Variants in ASPH observed in about 807,000 individuals in gnomAD.
ASPH encodes aspartyl/asparaginyl beta-hydroxylase.
Under a neutral mutation model 118.4 loss-of-function variants are expected in ASPH, and 100 were observed. That is an observed-to-expected ratio of 0.84 (90% CI 0.72 to 1.00). ASPH has a LOEUF of 1.00. Among genes scored for constraint, ASPH ranks in the 50% least tolerant of loss-of-function variants. The pLI, the probability that ASPH is intolerant of heterozygous loss-of-function variation, is 0.00. For missense variants in ASPH, 920 were observed against 919.5 expected, an observed-to-expected ratio of 1.00 and a Z score of -0.01; for synonymous variants, 315 against 325.6, an observed-to-expected ratio of 0.97 and a Z score of 0.35.
intron 1 of ASPH, among the ~76,000 whole-genome samples, chr8:61,711,285 A>T (rs1333064885): frequency 6.6e-6 from 1 of 152,158 alleles, no homozygotes; most frequent in Non-Finnish European, 1.5e-5. Context: ...AACAGAAAAC[A>T]TTACACATAC....
intron 14 of ASPH, chr8:61,607,331 G>T (rs1490280740): frequency 1.4e-6 from 1 of 700,702 alleles, no homozygotes. Flanking sequence ...CTCTGTAAAT[G>T]AAAGTGTGTC....
intron 24 of ASPH, among the ~76,000 whole-genome samples, chr8:61,509,597 C>A (rs762348475): frequency 2.0e-5 from 3 of 152,122 alleles, no homozygotes; most frequent in Non-Finnish European, 2.9e-5. Flanking sequence ...CCTATCTCAT[C>A]CTGTGACTTA....
intron 20 of ASPH, among the ~76,000 whole-genome samples, chr8:61,552,786 C>T (rs564167659): frequency 1.3e-5 from 2 of 152,254 alleles, no homozygotes; most frequent in South Asian, 4.1e-4. Context: ...TTAGAGATTG[C>T]TTTTGTGATT....
chr8:61,519,964 C>A (rs1032072972), intron 22 of ASPH, among the ~76,000 whole-genome samples: 3 of 152,134 alleles, frequency 2.0e-5, no homozygotes, highest in Non-Finnish European at 4.4e-5. Context: ...CTAATACATC[C>A]CCTAAAGAAG....
intron 14 of ASPH, chr8:61,607,394 TA>T: frequency 1.6e-6 from 1 of 622,072 alleles, no homozygotes; most frequent in African/African-American, 1.9e-5. Context: ...CGCTGACTTT[TA>T]AAAATGAACT....
At chr8:61,541,042 G>A (rs1466400765) in intron 21 of ASPH, among the ~76,000 whole-genome samples, 1 of 152,148 alleles carries the variant, frequency 6.6e-6, no homozygotes, top group Non-Finnish European at 1.5e-5. Flanking sequence ...GGCGGATCAC[G>A]AGGTCAGGAG....
At chr8:61,521,647 T>C (rs925070176) in intron 22 of ASPH, among the ~76,000 whole-genome samples, 1 of 152,240 alleles carries the variant, frequency 6.6e-6, no homozygotes, top group Non-Finnish European at 1.5e-5. Flanking sequence ...CATCTGCAAC[T>C]CACTGTGGCT....
chr8:61,599,196 A>G (rs1843235094), intron 14 of ASPH, among the ~76,000 whole-genome samples: 1 of 152,180 alleles, frequency 6.6e-6, no homozygotes, highest in Non-Finnish European at 1.5e-5. Flanking sequence ...AAGTTCAATG[A>G]AATGAAAAGT....
chr8:61,516,065 C>A (rs1160695086), intron 24 of ASPH, among the ~76,000 whole-genome samples: 2 of 152,212 alleles, frequency 1.3e-5, no homozygotes, highest in Non-Finnish European at 2.9e-5. Context: ...CAACCTTATT[C>A]TTTATGTACC....
At chr8:61,674,414 C>CT (rs1824205851) in intron 3 of ASPH, among the ~76,000 whole-genome samples, 2 of 152,286 alleles carry the variant, frequency 1.3e-5, no homozygotes, top group South Asian at 4.1e-4. Flanking sequence ...GAAACAGAAG[C>CT]TTTAACAGAC....
chr8:61,603,961 T>C (rs1053430549), intron 14 of ASPH, among the ~76,000 whole-genome samples: 7 of 152,214 alleles, frequency 4.6e-5, no homozygotes, highest in Non-Finnish European at 8.8e-5. Flanking sequence ...AATGGGAAAG[T>C]ATGTACATAT....
Position 61,624,565 on chromosome 8 carries a change from AAC to A in ASPH, c.935-5548_935-5547del, listed in dbSNP as rs1424612093. ...AATTCTTCTGTATTTTATTGCACTC[AAC>A]ATTTAATAGAAGACATTTACATTAT... On this transcript the variant is annotated intron_variant, in intron 13 of 24. Transcript: ENST00000379454. 3.1e-6 allele frequency: 3 copies of A among 980,000 alleles called. No homozygotes were observed. The East Asian group carries it at 3.4e-4, about 111-fold the overall frequency. The allele number at this position is 980,000 out of a possible 1,614,324, so 60.7% of individuals were successfully genotyped here.
At chr8:61,668,382 T>A in intron 3 of ASPH, 1 of 827,986 alleles carries the variant, frequency 1.2e-6, no homozygotes, top group Non-Finnish European at 1.9e-6. Flanking sequence ...TAAAATATGT[T>A]AAGTTAGTTA....
At chr8:61,603,777 A>G (rs530881491) in intron 14 of ASPH, among the ~76,000 whole-genome samples, 1 of 152,352 alleles carries the variant, frequency 6.6e-6, no homozygotes, top group African/African-American at 2.4e-5. Flanking sequence ...TAAAAGACTG[A>G]AAATGATCAT....
At chr8:61,592,111 A>C (rs1841310454) in intron 14 of ASPH, among the ~76,000 whole-genome samples, 1 of 152,218 alleles carries the variant, frequency 6.6e-6, no homozygotes, top group African/African-American at 2.4e-5. Context: ...CTTCTGAGGC[A>C]GCTTGCTTAA....
intron 17 of ASPH, among the ~76,000 whole-genome samples, chr8:61,565,428 A>T (rs534045127): frequency 6.6e-6 from 1 of 152,336 alleles, no homozygotes; most frequent in East Asian, 1.9e-4. Flanking sequence ...AGACCTATTA[A>T]TCTATTAGCT....
At chr8:61,628,832 T>A (rs891849832) in intron 13 of ASPH, among the ~76,000 whole-genome samples, 1 of 152,218 alleles carries the variant, frequency 6.6e-6, no homozygotes, top group African/African-American at 2.4e-5. Context: ...GTCAATCATG[T>A]ATCTTCACTG....
intron 3 of ASPH, among the ~76,000 whole-genome samples, chr8:61,666,843 T>C (rs191233979): frequency 6.6e-6 from 1 of 152,328 alleles, no homozygotes; most frequent in African/African-American, 2.4e-5. Flanking sequence ...ACATAGATAC[T>C]GGCATTGCAA....
At chr8:61,700,805 A>G (rs769481392) in intron 1 of ASPH, among the ~76,000 whole-genome samples, 6 of 152,232 alleles carry the variant, frequency 3.9e-5, no homozygotes, top group Non-Finnish European at 7.3e-5. Context: ...ATCCCTTTAC[A>G]TCATCACCTT....
Sources: gnomAD v4.1 joint callset for allele counts (sites outside exome capture counted in the v4.1 genomes callset) on GRCh38, gnomAD v4.1.1 for gene constraint, MANE v1.5 for transcripts, NCBI Gene and HGNC (gene_info 2026-07-23, HGNC 2026-07-21) for gene names.